The following DOK7 variants were observed in gnomAD, a reference collection of about 807,000 sequenced individuals.
DOK7 encodes docking protein 7.
DOK7 carries 32 observed loss-of-function variants against 30.7 expected under a neutral mutation model. The ratio of observed to expected loss-of-function variants is 1.04; its 90% CI spans 0.79 to 1.40. DOK7 has a LOEUF of 1.40. Among genes scored for constraint, DOK7 ranks in the 40% most tolerant of loss-of-function variants. DOK7 has a pLI of 0.00. For missense variants in DOK7, 1,007 were observed against 699.2 expected, an observed-to-expected ratio of 1.44 and a Z score of -4.97; for synonymous variants, 447 against 324.1, an observed-to-expected ratio of 1.38 and a Z score of -4.07.
chr4:3,490,551 C>G (rs1181693806), intron 6 of DOK7, among the ~76,000 whole-genome samples: 12 of 106,000 alleles, frequency 1.1e-4, no homozygotes, highest in Non-Finnish European at 2.1e-4. Flanking sequence ...CTTCCTTCTC[C>G]CCCTGCTCAT....
exon 7 of DOK7, chr4:3,500,255 C>A: frequency 6.5e-7 from 1 of 1,535,614 alleles, no homozygotes; most frequent in Non-Finnish European, 8.7e-7. Context: ...CCACAGGATC[C>A]CCAGGACCCG....
intron 4 of DOK7, among the ~76,000 whole-genome samples, chr4:3,481,920 G>A (rs552541317): frequency 2.6e-5 from 4 of 152,250 alleles, no homozygotes; most frequent in African/African-American, 7.2e-5. Flanking sequence ...CGTCTGTAAC[G>A]TGGGTGAGGT....
rs1245236150 is a variant in DOK7 at position 3,463,460 on chromosome 4, G to GT, written c.54+31_54+32insT. 24 of 1,419,798 alleles carry GT rather than the reference G, an allele frequency of 1.7e-5. No homozygotes were observed. The East Asian group carries it at 5.3e-4, about 32-fold the overall frequency. 88.0% of individuals were successfully genotyped at this position (1,419,798 alleles called of 1,614,324 possible). A position where few individuals can be genotyped will look rare whatever the true frequency, so the allele number is the denominator to read the frequency against. ...GGCGCGTCGGGGGCGCGGGGGGGGG[G>GT]GGCGCGGGCGCGGGCGGCGGCTCAC... On this transcript the variant is annotated intron_variant, in intron 1 of 6. Transcript: ENST00000340083.
intron 6 of DOK7, among the ~76,000 whole-genome samples, chr4:3,490,144 TTCC>T (rs2109393192): frequency 3.3e-5 from 3 of 90,754 alleles, no homozygotes; most frequent in East Asian, 6.1e-4. Context: ...CATTCATTCC[TTCC>T]TTCCCCACCC....
chr4:3,500,672 T>TTTA (rs1729142728), intron 7 of DOK7: 8 of 1,535,470 alleles, frequency 5.2e-6, no homozygotes, highest in Non-Finnish European at 7.0e-6. Flanking sequence ...AGGCTGCCGC[T>TTTA]CACTACAGAA....
chr4:3,500,955 C>G, exon 8 of DOK7: 1 of 1,364,748 alleles, frequency 7.3e-7, no homozygotes, highest in Non-Finnish European at 9.6e-7. Flanking sequence ...CAGGCATGGC[C>G]GGTCTCCGGG....
At chr4:3,496,755 G>GC, downstream of DOK7, 3 of 1,511,494 alleles carry the variant, frequency 2.0e-6, no homozygotes, top group Non-Finnish European at 2.7e-6. Context: ...GTTCTCGGTG[G>GC]CCCCCCGGGC....
Position 3,492,930 on chromosome 4 carries a change from C to A in DOK7, c.944C>A (p.Ser315Ter). The A allele has an allele frequency of 6.4e-7, 1 of 1,559,592 alleles. No individual in the cohort carries two copies. The part of the protein sequence containing the change: ...QAAGEAMVGA[S>*]RPPPKPLRPR... Reference sequence around the variant, plus strand: ...GCCGGGGAAGCCATGGTGGGTGCCTCAAGGCCACCCCCCAAGCCGCTGCGT... The same window carrying A: ...GCCGGGGAAGCCATGGTGGGTGCCTAAAGGCCACCCCCCAAGCCGCTGCGT... Residue 315 changes from serine (S) to a stop codon, truncating the protein, a stop_gained, in exon 7 of 7, where the codon TCA becomes TAA. Coordinates refer to ENST00000340083, the MANE Select transcript of DOK7 (RefSeq NM_173660.5). LOFTEE classifies it low-confidence loss of function (END_TRUNC).
chr4:3,491,081 C>T (rs951361094), intron 6 of DOK7, among the ~76,000 whole-genome samples: 1 of 108,928 alleles, frequency 9.2e-6, no homozygotes, highest in Non-Finnish European at 1.8e-5. Flanking sequence ...TTCCTTCTCC[C>T]CACTCCTGCT....
chr4:3,489,939 T>C, intron 6 of DOK7, 143 bp downstream of exon 6: 1 of 1,297,110 alleles, frequency 7.7e-7, no homozygotes, highest in Middle Eastern at 2.4e-4. Flanking sequence ...CATTCATTCT[T>C]CCCCCAACTC....
At chr4:3,469,989 C>T (rs1726663796) in intron 2 of DOK7, among the ~76,000 whole-genome samples, 1 of 152,182 alleles carries the variant, frequency 6.6e-6, no homozygotes, top group Non-Finnish European at 1.5e-5. Context: ...TTTCCTGTGG[C>T]CGACAGAAGA....
At chr4:3,488,502 C>T (rs73195133) in intron 5 of DOK7, among the ~76,000 whole-genome samples, 4 of 152,172 alleles carry the variant, frequency 2.6e-5, no homozygotes, top group African/African-American at 2.4e-5. Context: ...ACCATGGGGT[C>T]GGGACGTCTG....
At position 3,463,457 on chromosome 4, in the gene DOK7, G is replaced by T. The variant is rs772575255; in HGVS notation, c.54+28G>T. 234 of 1,422,816 alleles carry T rather than the reference G, an allele frequency of 1.6e-4. 3 individuals are homozygous for T. Among genetic ancestry groups the T allele is most frequent in the East Asian group, 5.0e-4 (17 of 33,890 alleles). The allele number at this position is 1,422,816 out of a possible 1,614,324, so 88.1% of individuals were successfully genotyped here. The stretch of plus-strand genomic sequence containing the variant: ...CGGGGCGCGTCGGGGGCGCGGGGGG[G>T]GGGGGCGCGGGCGCGGGCGGCGGCT... On this transcript the variant is annotated intron_variant, in intron 1 of 6. Coordinates refer to ENST00000340083, the MANE Select transcript of DOK7 (RefSeq NM_173660.5).
intron 3 of DOK7, 76 bp from the exon 4 acceptor site, chr4:3,476,266 C>T (rs1318999510): frequency 4.1e-6 from 2 of 493,136 alleles, no homozygotes; most frequent in Non-Finnish European, 6.3e-6. Flanking sequence ...GCCCGTGATG[C>T]CCTCTCACCC....
At chr4:3,488,725 T>G (rs1227323759) in intron 5 of DOK7, among the ~76,000 whole-genome samples, 6 of 151,762 alleles carry the variant, frequency 4.0e-5, no homozygotes, top group Non-Finnish European at 1.5e-5. Context: ...AGGAGGTGTG[T>G]TCTGGAGGCC....
intron 4 of DOK7, among the ~76,000 whole-genome samples, chr4:3,482,245 T>A (rs958159242): frequency 1.3e-5 from 2 of 152,206 alleles, no homozygotes; most frequent in Non-Finnish European, 2.9e-5. Context: ...GGCTGGCAAT[T>A]CTGTGGGCCA....
intron 4 of DOK7, 105 bp downstream of exon 4, chr4:3,476,647 G>A (rs1727112485): frequency 3.4e-6 from 5 of 1,457,910 alleles, no homozygotes; most frequent in African/African-American, 2.8e-5. Context: ...CTGGCCTGCT[G>A]GCATTTCCAG....
intron 4 of DOK7, among the ~76,000 whole-genome samples, chr4:3,480,381 G>T (rs1560215900): frequency 1.3e-5 from 2 of 152,210 alleles, no homozygotes; most frequent in Admixed American, 6.5e-5. Context: ...GCGGAGGTGG[G>T]AGGATCACCT....
intron 4 of DOK7, among the ~76,000 whole-genome samples, chr4:3,483,319 C>G (rs2109362317): frequency 9.1e-6 from 1 of 109,542 alleles, no homozygotes; most frequent in East Asian, 3.3e-4. Flanking sequence ...TGAGCATTCC[C>G]AAGACCGGGG....
Sources: allele counts gnomAD v4.1 joint callset (sites outside exome capture counted in the v4.1 genomes callset), GRCh38; gene constraint gnomAD v4.1.1; transcripts MANE v1.5; gene names NCBI Gene and HGNC (gene_info 2026-07-23, HGNC 2026-07-21).